Variants in YAP1 observed in about 807,000 individuals in gnomAD.
YAP1 encodes transcriptional coactivator YAP1.
A neutral mutation model predicts 56.9 loss-of-function variants in YAP1; 5 were observed. That is an observed-to-expected ratio of 0.09 (90% confidence interval 0.05 to 0.18). The LOEUF (loss-of-function observed/expected upper bound fraction) is 0.18. YAP1 is among the 10% of genes least tolerant of loss of function. YAP1 has a pLI of 1.00. For missense variants in YAP1, 539 were observed against 651.8 expected (o/e 0.83, Z 1.88); for synonymous variants, 265 against 248.1 (o/e 1.07, Z -0.64).
At chr11:102,210,759 G>C (rs757188806) in intron 6 of YAP1, among the ~76,000 whole-genome samples, 1 of 151,870 alleles carries the variant, frequency 6.6e-6, no homozygotes, top group Non-Finnish European at 1.5e-5. Context: ...TTTGTTTTTT[G>C]TTTTTGTTTT....
chr11:102,219,745 G>GT (rs955409542), intron 6 of YAP1, among the ~76,000 whole-genome samples: 2 of 151,558 alleles, frequency 1.3e-5, no homozygotes, highest in East Asian at 4.0e-4. Flanking sequence ...TGATGACCTG[G>GT]TTTTTTTTGT....
intron 6 of YAP1, among the ~76,000 whole-genome samples, chr11:102,217,984 A>C (rs1949742687): frequency 6.6e-6 from 1 of 152,176 alleles, no homozygotes; most frequent in African/African-American, 2.4e-5. Context: ...TACAGGTGTG[A>C]GCCACTGCAC....
intron 2 of YAP1, among the ~76,000 whole-genome samples, chr11:102,131,474 C>T (rs909268109): frequency 6.6e-6 from 1 of 152,164 alleles, no homozygotes; most frequent in African/African-American, 2.4e-5. Flanking sequence ...CTGTCCCTCA[C>T]GATTGAGGCT....
intron 2 of YAP1, among the ~76,000 whole-genome samples, chr11:102,142,977 T>G (rs1181905647): frequency 6.6e-6 from 1 of 152,200 alleles, no homozygotes; most frequent in Non-Finnish European, 1.5e-5. Context: ...GTGTTACCTC[T>G]TTTAATCCTC....
rs753406104 is a variant in YAP1 at position 102,111,083 on chromosome 11, A to C, written c.235A>C (p.Asn79His). The C allele has an allele frequency of 4.3e-6, 7 of 1,613,238 alleles. No homozygotes were observed. The Admixed American group carries it at 6.7e-5, about 15-fold the overall frequency. ...FNAVMNPKTA[N>H]VPQTVPMRLR... is the part of the protein sequence containing the mutation. ...CGCCGTCATGAACCCCAAGACGGCC[A>C]ACGTGCCCCAGACCGTGCCCATGAG... is the stretch of plus-strand genomic sequence containing the variant. The change falls in exon 1 of 9, where the codon AAC (asparagine) becomes CAC (histidine). Residue 79 changes from asparagine (N) to histidine (H), a missense_variant. Asn to His is a moderately conservative substitution (Grantham distance 68). Around this residue, in one of 4 missense-constraint regions of YAP1, gnomAD observed 414 missense variants for 512.4 expected, o/e 0.81. Coordinates refer to ENST00000282441, the MANE Select transcript of YAP1 (RefSeq NM_001130145.3).
At chr11:102,201,645 G>A (rs576993924) in intron 4 of YAP1, among the ~76,000 whole-genome samples, 16 of 152,152 alleles carry the variant, frequency 1.1e-4, no homozygotes, top group South Asian at 8.3e-4. Flanking sequence ...AGATGATTGC[G>A]TATGTATAGA....
intron 3 of YAP1, among the ~76,000 whole-genome samples, chr11:102,181,440 C>T (rs190519522): frequency 0.011 from 1,641 of 151,904 alleles, 36 homozygotes; most frequent in African/African-American, 0.038. Context: ...AGCGAGACTC[C>T]GTCTCAAAAA....
rs138923169 is a variant in YAP1 at position 102,144,762 on chromosome 11, G to A, written c.573-17694G>A. On this transcript the variant is annotated intron_variant, in intron 2 of 8. Coordinates refer to ENST00000282441, the MANE Select transcript of YAP1 (RefSeq NM_001130145.3). ...ACCAGAAGCTTACTTTTAATTTTGCGAATGTTGCCTTACCCTTTTTGGAAT... is the reference window on the plus strand; with the variant it reads ...ACCAGAAGCTTACTTTTAATTTTGCAAATGTTGCCTTACCCTTTTTGGAAT... Among the ~76,000 whole-genome samples the A allele has an allele frequency of 2.0e-4, 31 of 152,090 alleles. 1 individual carries two copies. In the East Asian group the frequency reaches 5.8e-3, roughly 28 times the overall value.
rs1162010837 is a variant in YAP1 at position 102,229,692 on chromosome 11, T to A, written c.1277-10T>A. ...AAAAGGACTTTGTTATCTCTGTGTG[T>A]TTCCACTAGGTGATACTATCAACCA... On this transcript the variant is annotated splice_polypyrimidine_tract_variant and intron_variant, in intron 8 of 8. Transcript: ENST00000282441. 3.1e-6 allele frequency: 5 copies of A among 1,610,540 alleles called. No homozygotes were observed. The highest frequency in any genetic ancestry group is 2.7e-5 in the African/African-American group (2 of 74,806).
At chr11:102,186,385 C>A (rs1947946368) in intron 4 of YAP1, 3 of 357,916 alleles carry the variant, frequency 8.4e-6, no homozygotes, top group Admixed American at 4.8e-5. Context: ...ACCAGAATCA[C>A]TTGTTCCTTT....
In YAP1 at chr11:102,110,709, C is replaced by T; in HGVS notation, c.-140C>T. 1 of 716,874 alleles carries T rather than the reference C, an allele frequency of 1.4e-6. No individual in the cohort carries two copies. Among genetic ancestry groups the T allele is most frequent in the Non-Finnish European group, 1.8e-6 (1 of 540,888 alleles). The allele number at this position is 716,874 out of a possible 1,614,324, so 44.4% of individuals were successfully genotyped here. A position where few individuals can be genotyped will look rare whatever the true frequency, so the allele number is the denominator to read the frequency against. ...GGGGATGCGGGGCCGCGGCGCAGCC[C>T]CCCGGCCCTGAGAGCGAGGACAGCG... On this transcript the variant is annotated 5_prime_UTR_variant, in exon 1 of 9. Coordinates refer to ENST00000282441, the MANE Select transcript of YAP1 (RefSeq NM_001130145.3).
intron 2 of YAP1, among the ~76,000 whole-genome samples, chr11:102,126,489 T>C (rs1944042939): frequency 6.6e-6 from 1 of 152,196 alleles, no homozygotes. Flanking sequence ...GGGTTTCCGC[T>C]TTTGCTTCTT....
chr11:102,207,119 GTAGA>G (rs1347591369), intron 5 of YAP1, among the ~76,000 whole-genome samples: 2 of 152,158 alleles, frequency 1.3e-5, no homozygotes, highest in East Asian at 3.9e-4. Flanking sequence ...GTTAAGTAGC[GTAGA>G]TATTTTTAAA....
At chr11:102,137,201 A>T (rs1011911463) in intron 2 of YAP1, among the ~76,000 whole-genome samples, 7 of 152,190 alleles carry the variant, frequency 4.6e-5, no homozygotes, top group African/African-American at 1.7e-4. Context: ...CTGCCTTAGG[A>T]CCTGAGGCAA....
chr11:102,177,861 T>C lies in YAP1; in HGVS notation c.689-8157T>C, dbSNP rs145103816. Among the ~76,000 whole-genome samples, 470 of 152,182 alleles carry C rather than the reference T, an allele frequency of 3.1e-3. 5 individuals carry two copies. Among genetic ancestry groups the C allele is most frequent in the African/African-American group, 0.011 (456 of 41,520 alleles). ...GATATGGGAGTCATTTATGTGAATA[T>C]GGCAAGCCATGGGATTTCATGAAAG... is the stretch of plus-strand genomic sequence containing the variant. On this transcript the variant is annotated intron_variant, in intron 3 of 8. Transcript: ENST00000282441.
intron 2 of YAP1, among the ~76,000 whole-genome samples, chr11:102,127,554 G>A (rs1220329796): frequency 2.0e-5 from 3 of 152,214 alleles, no homozygotes; most frequent in Non-Finnish European, 4.4e-5. Context: ...TGGATGTGTG[G>A]GCAAAAGTTT....
chr11:102,175,534 A>C (rs1312087108), intron 3 of YAP1, among the ~76,000 whole-genome samples: 7 of 152,232 alleles, frequency 4.6e-5, no homozygotes, highest in African/African-American at 1.7e-4. Context: ...TGTATTGCTT[A>C]ATGACTGGGA....
chr11:102,212,656 C>A (rs565330898), intron 6 of YAP1, among the ~76,000 whole-genome samples: 2 of 152,202 alleles, frequency 1.3e-5, no homozygotes, highest in East Asian at 3.9e-4. Context: ...ATGATCTCTG[C>A]TCACCGCAAC....
chr11:102,157,676 A>G (rs1278713374), intron 2 of YAP1, among the ~76,000 whole-genome samples: 1 of 152,164 alleles, frequency 6.6e-6, no homozygotes, highest in Non-Finnish European at 1.5e-5. Flanking sequence ...GGTCTTACAT[A>G]TATTTAAGTT....
Sources: gnomAD v4.1 joint callset for allele counts (sites outside exome capture counted in the v4.1 genomes callset) on GRCh38, gnomAD v4.1.1 for gene constraint, gnomAD v4.1.1 regional missense constraint, MANE v1.5 for transcripts, NCBI Gene and HGNC (gene_info 2026-07-23, HGNC 2026-07-21) for gene names.